Variants in MBP observed in about 807,000 individuals in gnomAD.
MBP encodes myelin basic protein, also known as Golli-MBP.
In MBP, 16 loss-of-function variants were observed where a neutral mutation model predicts 35.8. That is an observed-to-expected ratio of 0.45 (90% CI 0.30 to 0.68). The LOEUF (loss-of-function observed/expected upper bound fraction) is 0.68. MBP is among the 30% of genes least tolerant of loss of function. The pLI is 0.08. For missense variants in MBP, 380 were observed against 404.7 expected (o/e 0.94, Z 0.52); for synonymous variants, 143 against 159.6 (o/e 0.90, Z 0.78).
intron 3 of MBP, among the ~76,000 whole-genome samples, chr18:77,060,118 G>A (rs1973903749): frequency 6.6e-6 from 1 of 152,062 alleles, no homozygotes; most frequent in Non-Finnish European, 1.5e-5. Context: ...TCCCCCAAAT[G>A]GTGTGAAGTC....
At chr18:76,997,348 C>G (rs1056194258) in intron 4 of MBP, among the ~76,000 whole-genome samples, 1 of 152,232 alleles carries the variant, frequency 6.6e-6, no homozygotes, top group African/African-American at 2.4e-5. Flanking sequence ...CCTGACGCCA[C>G]CTGTGTGGCC....
intron 1 of MBP, among the ~76,000 whole-genome samples, chr18:77,123,565 C>G (rs886099066): frequency 1.3e-5 from 2 of 152,168 alleles, no homozygotes; most frequent in Non-Finnish European, 2.9e-5. Flanking sequence ...CTAAGTTAAC[C>G]CGGAGCTCAT....
intron 3 of MBP, among the ~76,000 whole-genome samples, chr18:77,035,626 A>G (rs1972736494): frequency 6.6e-6 from 1 of 152,170 alleles, no homozygotes; most frequent in African/African-American, 2.4e-5. Flanking sequence ...ACGCTAATGC[A>G]ATGCCGTGAC....
rs1969792415 is a variant in MBP, at chr18:76,989,863, C to T, written c.681+93G>A. 1.8e-6 allele frequency: 2 copies of T among 1,113,452 alleles called. No homozygotes were observed. The highest frequency in any genetic ancestry group is 1.4e-6 in the Non-Finnish European group (1 of 738,696). The allele number at this position is 1,113,452 out of a possible 1,614,324, so 69.0% of individuals were successfully genotyped here. A position where few individuals can be genotyped will look rare whatever the true frequency, so the allele number is the denominator to read the frequency against. On this transcript the variant is annotated intron_variant, in intron 5 of 8. Coordinates refer to ENST00000355994, the MANE Select transcript of MBP (RefSeq NM_001025101.2). The surrounding 1 kb of genome is among the most constrained non-coding windows in gnomAD (Gnocchi z 4.0). The stretch of plus-strand genomic sequence containing the variant: ...CTGATGATGACCCCGGTGCCACCCC[C>T]GAGCGTACGAACGTCCTGTGTGGAT...
At chr18:77,069,509 C>T (rs1302676925) in intron 2 of MBP, among the ~76,000 whole-genome samples, 3 of 152,146 alleles carry the variant, frequency 2.0e-5, no homozygotes, top group South Asian at 4.1e-4. Context: ...TCTCTCCAAG[C>T]GGGACACCAC....
chr18:77,019,178 A>G (rs921991895), intron 3 of MBP, among the ~76,000 whole-genome samples: 2 of 152,260 alleles, frequency 1.3e-5, no homozygotes, highest in African/African-American at 4.8e-5. Flanking sequence ...TGAAACCTAC[A>G]TTCTAGTGGG....
chr18:77,059,137 A>T (rs1354584973), intron 3 of MBP, among the ~76,000 whole-genome samples: 1 of 152,230 alleles, frequency 6.6e-6, no homozygotes, highest in African/African-American at 2.4e-5. Context: ...AAAAAACCCT[A>T]CTGAAATCAA....
intron 1 of MBP, among the ~76,000 whole-genome samples, chr18:77,120,651 G>C (rs1288078422): frequency 6.6e-6 from 1 of 152,194 alleles, no homozygotes; most frequent in Admixed American, 6.5e-5. Flanking sequence ...GAAAATTCCA[G>C]AGAGAGTGGC....
At chr18:77,016,109 A>G (rs1014595353) in intron 4 of MBP, 5 of 985,080 alleles carry the variant, frequency 5.1e-6, no homozygotes, top group Non-Finnish European at 6.0e-6. Flanking sequence ...TCCACTGACA[A>G]TCAACTGCAG....
At position 77,018,964 on chromosome 18, in the gene MBP, TCATC is replaced by T. The variant is rs58618620; in HGVS notation, c.140-1700_140-1697del. ...CCTGTTCATCCATCCATCTATCCAT[TCATC>T]CATCCATCCATCCATCCATCCATCC... is the stretch of plus-strand genomic sequence containing the variant. On this transcript the variant is annotated intron_variant, in intron 3 of 8. Coordinates refer to ENST00000355994, the MANE Select transcript of MBP (RefSeq NM_001025101.2). Among the ~76,000 whole-genome samples the T allele has an allele frequency of 1.5e-3, 188 of 122,566 alleles. 2 individuals are homozygous for T. Among genetic ancestry groups the T allele is most frequent in the East Asian group, 6.0e-3 (24 of 4,016 alleles). 80.4% of individuals were successfully genotyped at this position (122,566 alleles called of 152,430 possible).
Position 76,988,294 on chromosome 18 carries a change from C to A in MBP, c.750+201G>T. 6 of 1,554,630 alleles carry A rather than the reference C, an allele frequency of 3.9e-6. No individual in the cohort carries two copies. Among genetic ancestry groups the A allele is most frequent in the Non-Finnish European group, 5.2e-6 (6 of 1,148,870 alleles). On this transcript the variant is annotated intron_variant, in intron 7 of 8. Transcript: ENST00000355994. This position sits in a 1 kb window ranked among gnomAD's most constrained non-coding sequence, Gnocchi z 5.2. ...GGGTCCCCGGCACAGAAGCAAGAGA[C>A]CAGACCTTCCGGAAGGGAAGACCAC...
At chr18:77,106,242 A>T (rs1191014524) in intron 1 of MBP, among the ~76,000 whole-genome samples, 1 of 152,200 alleles carries the variant, frequency 6.6e-6, no homozygotes, top group Non-Finnish European at 1.5e-5. Flanking sequence ...AATAGTAGAT[A>T]CACCCGAACA....
chr18:77,087,451 G>A (rs558658557), intron 2 of MBP: 2 of 80,802 alleles, frequency 2.5e-5, no homozygotes, highest in South Asian at 8.4e-4. Context: ...TCTGAGCAGG[G>A]ATCCGCGGAG....
At chr18:77,021,664 T>C (rs530925613) in intron 3 of MBP, among the ~76,000 whole-genome samples, 27 of 152,198 alleles carry the variant, frequency 1.8e-4, no homozygotes, top group South Asian at 1.7e-3. Flanking sequence ...TTTGTATTTT[T>C]AGTAGAGACT....
chr18:77,079,835 T>G (rs531625647), intron 2 of MBP, among the ~76,000 whole-genome samples: 1 of 152,302 alleles, frequency 6.6e-6, no homozygotes, highest in East Asian at 1.9e-4. Flanking sequence ...TACAATTTAG[T>G]TTAAATTCAT....
At chr18:77,066,940 A>C (rs533209829) in intron 2 of MBP, among the ~76,000 whole-genome samples, 83 of 152,292 alleles carry the variant, frequency 5.5e-4, no homozygotes, top group African/African-American at 1.8e-3. Context: ...CTCCTCTGGG[A>C]ATCTTCGGCT....
chr18:77,023,152 GCAA>G (rs1177860892), intron 3 of MBP, among the ~76,000 whole-genome samples: 2 of 152,208 alleles, frequency 1.3e-5, no homozygotes. Flanking sequence ...CCATCTGTGA[GCAA>G]CAACAGGGGT....
At chr18:77,060,446 TC>T (rs1973928113) in intron 3 of MBP, among the ~76,000 whole-genome samples, 2 of 110,958 alleles carry the variant, frequency 1.8e-5, no homozygotes, top group East Asian at 2.8e-4. Flanking sequence ...TCTCTCTCTC[TC>T]CTTTTTTTTT....
chr18:77,023,954 C>T (rs1226388362), intron 3 of MBP, among the ~76,000 whole-genome samples: 1 of 152,218 alleles, frequency 6.6e-6, no homozygotes, highest in Non-Finnish European at 1.5e-5. Flanking sequence ...GGGGCCTCCA[C>T]AGATGTCCAA....
Sources: allele counts gnomAD v4.1 joint callset (sites outside exome capture counted in the v4.1 genomes callset), GRCh38; gene constraint gnomAD v4.1.1; non-coding constraint Gnocchi (gnomAD v3.1); transcripts MANE v1.5; gene names NCBI Gene and HGNC (gene_info 2026-07-23, HGNC 2026-07-21).